The following CECR2 variants were observed in gnomAD, a reference collection of about 807,000 sequenced individuals.
The protein encoded by CECR2 is chromatin remodeling regulator CECR2.
In CECR2, 30 loss-of-function variants were observed where a neutral mutation model predicts 154.5. The ratio of observed to expected loss-of-function variants is 0.19; its 90% CI spans 0.15 to 0.26. The LOEUF (loss-of-function observed/expected upper bound fraction) is 0.26. Among genes scored for constraint, CECR2 ranks in the 10% least tolerant of loss-of-function variants. The pLI is 1.00. For synonymous variants in CECR2, 725 were observed against 683.7 expected, an observed-to-expected ratio of 1.06 and a Z score of -0.94; for missense variants, 1,743 against 1,829.3, an observed-to-expected ratio of 0.95 and a Z score of 0.86.
chr22:17,522,279 T>C (rs1418519980), intron 8 of CECR2, among the ~76,000 whole-genome samples: 2 of 152,248 alleles, frequency 1.3e-5, no homozygotes, highest in Non-Finnish European at 2.9e-5. Flanking sequence ...TGTTTTACTT[T>C]GCTTTGTTAA....
At chr22:17,454,619 A>AC (rs2054825863) in intron 1 of CECR2, among the ~76,000 whole-genome samples, 1 of 151,910 alleles carries the variant, frequency 6.6e-6, no homozygotes, top group Non-Finnish European at 1.5e-5. Context: ...AAAAAAAAAA[A>AC]ACCCTGCAGC....
intron 1 of CECR2, among the ~76,000 whole-genome samples, chr22:17,460,500 G>A (rs1276953278): frequency 6.6e-6 from 1 of 152,186 alleles, no homozygotes; most frequent in Non-Finnish European, 1.5e-5. Flanking sequence ...GTGAGCCACC[G>A]CGCCCAGCCT....
rs5747083 is a variant in CECR2, at chr22:17,380,094, C to T, written c.126+10185C>T. ...GTTTTCTCTTCTACTCCCTTGTGCT[C>T]TACTCATGCCCTAGGGTTTGTTCTG... On this transcript the variant is annotated intron_variant, in intron 1 of 18. Transcript: ENST00000262608. Among the ~76,000 whole-genome samples the T allele has an allele frequency of 3.3e-5, 5 of 152,116 alleles. No individual in the cohort carries two copies. In the East Asian group the frequency reaches 9.7e-4, roughly 29 times the overall value.
intron 1 of CECR2, among the ~76,000 whole-genome samples, chr22:17,465,028 G>A (rs970087084): frequency 1.5e-5 from 2 of 135,422 alleles, no homozygotes; most frequent in Admixed American, 8.1e-5. Flanking sequence ...ACGAAGTCTC[G>A]CTTTGTCGCC....
chr22:17,449,539 G>C (rs2054733793), intron 1 of CECR2, among the ~76,000 whole-genome samples: 1 of 137,632 alleles, frequency 7.3e-6, no homozygotes, highest in Non-Finnish European at 1.5e-5. Flanking sequence ...GCCCAGGCTG[G>C]AGTGCAGTGG....
intron 1 of CECR2, among the ~76,000 whole-genome samples, chr22:17,389,769 A>G (rs2063306805): frequency 6.6e-6 from 1 of 152,278 alleles, no homozygotes; most frequent in Admixed American, 6.5e-5. Flanking sequence ...CTGGGACTAC[A>G]GGCATGCGCC....
At chr22:17,376,079 C>G (rs1415951301) in intron 1 of CECR2, among the ~76,000 whole-genome samples, 1 of 151,994 alleles carries the variant, frequency 6.6e-6, no homozygotes, top group Non-Finnish European at 1.5e-5. Flanking sequence ...AGCCAAAGAA[C>G]AGGATGTGAA....
At chr22:17,545,268 G>T (rs1262798280) in intron 16 of CECR2, among the ~76,000 whole-genome samples, 4 of 151,046 alleles carry the variant, frequency 2.6e-5, no homozygotes, top group African/African-American at 9.8e-5. Flanking sequence ...TCAGCTACTT[G>T]GGAGGCTGGG....
rs575082250 is a variant in CECR2 at position 17,419,461 on chromosome 22, C to T, written c.126+49552C>T. On this transcript the variant is annotated intron_variant, in intron 1 of 18. Coordinates refer to ENST00000262608, the MANE Select transcript of CECR2 (RefSeq NM_001290047.2). The stretch of plus-strand genomic sequence containing the variant: ...AACAATGTGTGATGAGGATCCCCCA[C>T]GCCTGAGGAAGACTCAGAAACAGAG... The T allele has an allele frequency of 4.4e-4, 89 of 200,348 alleles. 1 individual carries two copies. In the South Asian group the frequency reaches 8.6e-3, roughly 19 times the overall value. 12.4% of individuals were successfully genotyped at this position (200,348 alleles called of 1,614,324 possible).
intron 2 of CECR2, among the ~76,000 whole-genome samples, chr22:17,490,557 C>G (rs2055509272): frequency 1.3e-5 from 2 of 152,124 alleles, no homozygotes; most frequent in African/African-American, 2.4e-5. Context: ...GCATCAGCCT[C>G]CCGAGTAGCT....
chr22:17,539,405 C>T (rs1243589105), intron 13 of CECR2, among the ~76,000 whole-genome samples: 1 of 152,144 alleles, frequency 6.6e-6, no homozygotes, highest in Non-Finnish European at 1.5e-5. Flanking sequence ...AGGGGACTGA[C>T]CCTACATAGA....
At chr22:17,469,885 A>G (rs2055096132) in intron 1 of CECR2, among the ~76,000 whole-genome samples, 1 of 152,074 alleles carries the variant, frequency 6.6e-6, no homozygotes, top group South Asian at 2.1e-4. Flanking sequence ...CGTCCATCAC[A>G]TTGCATGGAA....
upstream of CECR2, among the ~76,000 whole-genome samples, chr22:17,367,247 T>A (rs1407188425): frequency 6.6e-6 from 1 of 152,122 alleles, no homozygotes; most frequent in Non-Finnish European, 1.5e-5. Flanking sequence ...AATCATCTCA[T>A]CCCTCTGCTT....
intron 3 of CECR2, 72 bp from the exon 4 acceptor site, chr22:17,499,338 T>C: frequency 6.5e-7 from 1 of 1,543,150 alleles, no homozygotes; most frequent in South Asian, 1.2e-5. Flanking sequence ...AAATTTGGAA[T>C]CCTCGTTCTG....
chr22:17,539,102 A>G lies in CECR2; in HGVS notation c.1478A>G (p.Tyr493Cys). 1 of 1,613,620 alleles carries G rather than the reference A, an allele frequency of 6.2e-7. No homozygotes were observed. The highest frequency in any genetic ancestry group is 8.5e-7 in the Non-Finnish European group (1 of 1,179,858). The change falls in exon 13 of 19, where the codon TAT (tyrosine) becomes TGT (cysteine). Residue 493 changes from tyrosine to cysteine, a missense_variant. Tyr to Cys is a radical substitution (Grantham distance 194, BLOSUM62 -2). This residue lies in a region of CECR2 where 103 missense variants were observed against 166.8 expected (regional missense o/e 0.62). Transcript: ENST00000262608. ...ACCATGTTCAGGAATTGTCGAAAGT[A>G]TAATGGGGAAAGTAGTGGTAAGCAG... ...MKTMFRNCRKYNGESSEYTKM... is the reference protein window; with the variant it reads ...MKTMFRNCRKCNGESSEYTKM...
chr22:17,449,483 C>CTTTTTTTT lies in CECR2; in HGVS notation c.127-28088_127-28081dup, dbSNP rs35473694. On this transcript the variant is annotated intron_variant, in intron 1 of 18. Coordinates refer to ENST00000262608, the MANE Select transcript of CECR2 (RefSeq NM_001290047.2). ...CCGCACATCTAATTGGTAACCAGTT[C>CTTTTTTTT]TTTTTTTTTTTTTTTTTTTTTTTTG... Among the ~76,000 whole-genome samples the CTTTTTTTT allele has an allele frequency of 4.3e-4, 31 of 71,462 alleles. 4 individuals are homozygous for CTTTTTTTT. The highest frequency in any genetic ancestry group is 1.5e-3 in the African/African-American group (25 of 16,962). The allele number at this position is 71,462 out of a possible 152,430, so 46.9% of individuals were successfully genotyped here. A position where few individuals can be genotyped will look rare whatever the true frequency, so the allele number is the denominator to read the frequency against.
intron 1 of CECR2, among the ~76,000 whole-genome samples, chr22:17,470,494 A>G (rs536909814): frequency 1.3e-5 from 2 of 152,296 alleles, no homozygotes; most frequent in African/African-American, 4.8e-5. Flanking sequence ...CAGACCTAGA[A>G]CATCGAAAGA....
chr22:17,511,761 T>C (rs999372501), intron 7 of CECR2, 52 bp from the exon 8 acceptor site: 14 of 1,516,200 alleles, frequency 9.2e-6, no homozygotes, highest in African/African-American at 2.8e-5. Flanking sequence ...CATCAGTAGT[T>C]GAGAACACCC....
In CECR2 at chr22:17,553,051, C is replaced by A. The variant is rs1449813653; in HGVS notation, c.*211C>A. On this transcript the variant is annotated 3_prime_UTR_variant, in exon 19 of 19. Coordinates refer to ENST00000262608, the MANE Select transcript of CECR2 (RefSeq NM_001290047.2). Reference sequence around the variant, plus strand: ...CACACAGATTGCAAAGGTCCTCGGCCAGGGATCTCTTGCACAGCTGATGTA... The same window carrying A: ...CACACAGATTGCAAAGGTCCTCGGCAAGGGATCTCTTGCACAGCTGATGTA... 8.3e-7 allele frequency: 1 copy of A among 1,199,228 alleles called. No individual in the cohort carries two copies. 74.3% of individuals were successfully genotyped at this position (1,199,228 alleles called of 1,614,324 possible). A position where few individuals can be genotyped will look rare whatever the true frequency, so the allele number is the denominator to read the frequency against.
Sources: allele counts gnomAD v4.1 joint callset (sites outside exome capture counted in the v4.1 genomes callset), GRCh38; gene constraint gnomAD v4.1.1; regional missense constraint gnomAD v4.1.1; transcripts MANE v1.5; gene names NCBI Gene and HGNC (gene_info 2026-07-23, HGNC 2026-07-21).